IFT43: variants seen among roughly 807,000 people sequenced by gnomAD.
IFT43 encodes the protein intraflagellar transport protein 43 homolog.
In IFT43, 33 loss-of-function variants were observed where a neutral mutation model predicts 32.3. The ratio of observed to expected loss-of-function variants is 1.02; its 90% CI spans 0.77 to 1.37. The LOEUF (loss-of-function observed/expected upper bound fraction) is 1.37. IFT43 is among the 40% of genes most tolerant of loss of function. IFT43 has a pLI of 0.00. For synonymous variants in IFT43, 93 were observed against 98.2 expected, an observed-to-expected ratio of 0.95 and a Z score of 0.31; for missense variants, 274 against 265.9, an observed-to-expected ratio of 1.03 and a Z score of -0.21.
intron 5 of IFT43, among the ~76,000 whole-genome samples, chr14:76,081,154 G>A (rs2037503608): frequency 6.6e-6 from 1 of 152,218 alleles, no homozygotes; most frequent in Non-Finnish European, 1.5e-5. Context: ...GGCGTCACTT[G>A]ACTAGAGTGA....
downstream of IFT43, chr14:76,083,955 G>A (rs570900804): frequency 3.3e-4 from 152 of 464,478 alleles, no homozygotes; most frequent in Non-Finnish European, 5.8e-4. Flanking sequence ...GTTCTGGGGC[G>A]GGGCCTCCCT....
chr14:76,072,073 G>A (rs2037331893), intron 5 of IFT43, among the ~76,000 whole-genome samples: 2 of 152,198 alleles, frequency 1.3e-5, no homozygotes, highest in African/African-American at 4.8e-5. Context: ...CCACAGCAGG[G>A]CCTGGGCTGG....
rs752133618 is a variant in IFT43 at position 76,083,445 on chromosome 14, C to T, written c.508-13C>T. ...CCTTTCTTTGTCTTACCCAGCGAAACCCTTCTTGGCAGGATGATGTCGGCT... is the reference window on the plus strand; with the variant it reads ...CCTTTCTTTGTCTTACCCAGCGAAATCCTTCTTGGCAGGATGATGTCGGCT... On this transcript the variant is annotated splice_polypyrimidine_tract_variant and intron_variant, in intron 8 of 8. Coordinates refer to ENST00000314067, the MANE Select transcript of IFT43 (RefSeq NM_001102564.3). The T allele has an allele frequency of 2.5e-6, 4 of 1,614,160 alleles. No individual in the cohort carries two copies. Among genetic ancestry groups the T allele is most frequent in the Admixed American group, 3.3e-5 (2 of 60,018 alleles).
At chr14:76,060,601 C>G (rs1326365745) in intron 5 of IFT43, among the ~76,000 whole-genome samples, 3 of 125,860 alleles carry the variant, frequency 2.4e-5, no homozygotes, top group Non-Finnish European at 5.3e-5. Flanking sequence ...ATCCTAGTTT[C>G]TATCTGGCAT....
In IFT43 at chr14:75,999,227, TTATATATA is replaced by T. The variant is rs1162371057; in HGVS notation, c.147+10288_147+10295del. On this transcript the variant is annotated intron_variant, in intron 2 of 8. Transcript: ENST00000314067. ...ATATTCATTTATATATAAATTCATT[TTATATATA>T]TATATATATATATATATATATATAT... Among the ~76,000 whole-genome samples, 259 of 95,998 alleles carry T rather than the reference TTATATATA, an allele frequency of 2.7e-3. 7 individuals carry two copies. Among genetic ancestry groups the T allele is most frequent in the African/African-American group, 8.0e-3 (151 of 18,906 alleles). 63.0% of individuals were successfully genotyped at this position (95,998 alleles called of 152,430 possible).
chr14:76,005,681 G>A (rs2035967908), intron 2 of IFT43, among the ~76,000 whole-genome samples: 1 of 152,214 alleles, frequency 6.6e-6, no homozygotes, highest in Admixed American at 6.5e-5. Context: ...TAAAATTGCA[G>A]CTTTCTGCTG....
intron 5 of IFT43, among the ~76,000 whole-genome samples, chr14:76,081,325 C>T (rs543648681): frequency 2.6e-5 from 4 of 152,314 alleles, no homozygotes; most frequent in African/African-American, 9.6e-5. Flanking sequence ...TCCTTCTTTC[C>T]GTGTTTACAG....
chr14:76,052,728 T>C (rs1314367364), intron 3 of IFT43, among the ~76,000 whole-genome samples: 3 of 152,196 alleles, frequency 2.0e-5, no homozygotes, highest in Non-Finnish European at 4.4e-5. Context: ...GGGAGGAATA[T>C]GGAGAGAAAG....
rs560829251 is a variant in IFT43, at chr14:76,032,427, A to G, written c.215+10033A>G. Among the ~76,000 whole-genome samples, 10 of 152,288 alleles carry G rather than the reference A, an allele frequency of 6.6e-5. No individual in the cohort carries two copies. The East Asian group carries it at 1.9e-3, about 29-fold the overall frequency. On this transcript the variant is annotated intron_variant, in intron 3 of 8. Transcript: ENST00000314067. ...ATGCCAACCAGTCAAAGTAAAACCC[A>G]AAGTCCTTACCATGGCTTACAAGGT...
At chr14:76,049,676 C>G (rs1357813452) in intron 3 of IFT43, among the ~76,000 whole-genome samples, 1 of 151,774 alleles carries the variant, frequency 6.6e-6, no homozygotes, top group Non-Finnish European at 1.5e-5. Flanking sequence ...TTCTTCTTAG[C>G]TGCTTCTCCC....
intron 3 of IFT43, among the ~76,000 whole-genome samples, chr14:76,038,677 C>T (rs2036649005): frequency 6.6e-6 from 1 of 152,102 alleles, no homozygotes; most frequent in African/African-American, 2.4e-5. Flanking sequence ...AGATGAATAG[C>T]CCCCCAGACT....
chr14:76,011,600 C>T (rs1264817786), intron 2 of IFT43, among the ~76,000 whole-genome samples: 4 of 152,220 alleles, frequency 2.6e-5, no homozygotes, highest in Non-Finnish European at 5.9e-5. Flanking sequence ...GCCCACCAGT[C>T]AGTCTTGTAC....
intron 1 of IFT43, among the ~76,000 whole-genome samples, chr14:75,988,611 C>A (rs2035576094): frequency 1.3e-5 from 2 of 152,100 alleles, no homozygotes; most frequent in South Asian, 4.1e-4. Context: ...CTCCGCCTCC[C>A]AGGTTCAAGC....
At chr14:76,058,224 G>A (rs1024448589) in intron 3 of IFT43, 2 of 261,182 alleles carry the variant, frequency 7.7e-6, no homozygotes, top group South Asian at 4.5e-5. Flanking sequence ...ACTGCGAGGC[G>A]AGGACATCCC....
At chr14:76,017,063 A>G (rs1310633065) in intron 2 of IFT43, among the ~76,000 whole-genome samples, 1 of 152,184 alleles carries the variant, frequency 6.6e-6, no homozygotes, top group African/African-American at 2.4e-5. Flanking sequence ...TACTCTGGCT[A>G]GAACTTCCAG....
At chr14:75,998,983 C>T (rs933188739) in intron 2 of IFT43, among the ~76,000 whole-genome samples, 1 of 152,176 alleles carries the variant, frequency 6.6e-6, no homozygotes, top group East Asian at 1.9e-4. Context: ...AGTCCTCCCA[C>T]CTTGGCCTCC....
At chr14:76,003,416 A>G (rs2035926001) in intron 2 of IFT43, among the ~76,000 whole-genome samples, 1 of 152,120 alleles carries the variant, frequency 6.6e-6, no homozygotes, top group East Asian at 1.9e-4. Flanking sequence ...GCAAGAGGTC[A>G]GGAGTTCAGG....
intron 3 of IFT43, among the ~76,000 whole-genome samples, chr14:76,022,975 G>A (rs2036322827): frequency 6.6e-6 from 1 of 152,182 alleles, no homozygotes. Flanking sequence ...GGTATCTTGT[G>A]TTTACTGTAA....
intron 5 of IFT43, among the ~76,000 whole-genome samples, chr14:76,067,254 CT>C (rs2037239886): frequency 6.6e-6 from 1 of 152,112 alleles, no homozygotes; most frequent in Admixed American, 6.6e-5. Context: ...TTCAGGCTTT[CT>C]AGAAAAGAGA....
Sources: allele counts gnomAD v4.1 joint callset (sites outside exome capture counted in the v4.1 genomes callset), GRCh38; gene constraint gnomAD v4.1.1; transcripts MANE v1.5; gene names NCBI Gene and HGNC (gene_info 2026-07-23, HGNC 2026-07-21).